Variants in GPN3 observed in about 807,000 individuals in gnomAD.
GPN3 encodes GPN-loop GTPase 3, also known as ATP-binding domain 1 family member C.
Under a neutral mutation model 38.7 loss-of-function variants are expected in GPN3, and 31 were observed. The observed-to-expected ratio is 0.80, with a 90% CI of 0.60 to 1.08. The LOEUF is 1.08. GPN3 is among the 50% of genes least tolerant of loss of function. The pLI, the probability that GPN3 is intolerant of heterozygous loss-of-function variation, is 0.00. For synonymous variants in GPN3, 116 were observed against 120.2 expected (o/e 0.96, Z 0.23); for missense variants, 301 against 354.4 (o/e 0.85, Z 1.21).
At chr12:110,468,650 C>T, upstream of GPN3, 4 of 1,537,116 alleles carry the variant, frequency 2.6e-6, no homozygotes, top group Non-Finnish European at 3.5e-6. Flanking sequence ...TATTTCCCTC[C>T]TGTGACGCAC....
At chr12:110,455,168 G>C (rs906992011) in intron 6 of GPN3, among the ~76,000 whole-genome samples, 1 of 151,820 alleles carries the variant, frequency 6.6e-6, no homozygotes, top group African/African-American at 2.4e-5. Context: ...CTGTCGCCCA[G>C]GCTGGACTGC....
At position 110,452,923 on chromosome 12, in the gene GPN3, T is replaced by C; in HGVS notation, c.*111A>G. 2 of 712,212 alleles carry C rather than the reference T, an allele frequency of 2.8e-6. No homozygotes were observed. Among genetic ancestry groups the C allele is most frequent in the Non-Finnish European group, 5.2e-6 (2 of 385,288 alleles). 44.1% of individuals were successfully genotyped at this position (712,212 alleles called of 1,614,324 possible). ...CATGAGGCTGATAAAGAACGAAGTT[T>C]TACTTTTTTTCATTAAAATAAGTAG... is the stretch of plus-strand genomic sequence containing the variant. On this transcript the variant is annotated 3_prime_UTR_variant, in exon 8 of 8. Coordinates refer to ENST00000228827, the MANE Select transcript of GPN3 (RefSeq NM_016301.4).
At chr12:110,457,121 T>C (rs2062555592) in intron 4 of GPN3, among the ~76,000 whole-genome samples, 1 of 152,024 alleles carries the variant, frequency 6.6e-6, no homozygotes. Flanking sequence ...TGGAATCATT[T>C]GTGAAATGTT....
intron 2 of GPN3, among the ~76,000 whole-genome samples, chr12:110,460,829 C>T (rs1029183159): frequency 3.9e-5 from 6 of 152,032 alleles, no homozygotes; most frequent in African/African-American, 7.2e-5. Flanking sequence ...GCAGGCATGG[C>T]GGCGCACGCC....
At chr12:110,464,793 C>T (rs2062615283) in intron 2 of GPN3, 1 of 288,168 alleles carries the variant, frequency 3.5e-6, no homozygotes, top group Admixed American at 4.4e-5. Flanking sequence ...CAGGGTTTCA[C>T]CATGTTGGTC....
chr12:110,456,260 C>T (rs994204923), intron 4 of GPN3, among the ~76,000 whole-genome samples: 5 of 144,190 alleles, frequency 3.5e-5, no homozygotes, highest in African/African-American at 1.3e-4. Context: ...ACCCAGGAGG[C>T]GGAGGTTCCC....
intron 6 of GPN3, 93 bp downstream of exon 6, chr12:110,455,493 G>A (rs1416654263): frequency 1.5e-6 from 1 of 688,230 alleles, no homozygotes; most frequent in Non-Finnish European, 2.6e-6. Context: ...TGAACTCCTG[G>A]ACTCAATCTT....
At chr12:110,459,240 G>GT (rs60209835) in intron 3 of GPN3, among the ~76,000 whole-genome samples, 13,211 of 142,252 alleles carry the variant, frequency 0.093, 1,590 homozygotes, top group African/African-American at 0.28. Context: ...ACTTTTTTTT[G>GT]TTTTTTTTTT....
intron 6 of GPN3, among the ~76,000 whole-genome samples, chr12:110,454,116 T>C (rs891576839): frequency 4.6e-5 from 7 of 152,202 alleles, no homozygotes; most frequent in African/African-American, 1.7e-4. Context: ...GCTATTTATC[T>C]GAATTCAACA....
At chr12:110,461,752 C>G (rs1300895878) in intron 2 of GPN3, among the ~76,000 whole-genome samples, 1 of 152,188 alleles carries the variant, frequency 6.6e-6, no homozygotes, top group Non-Finnish European at 1.5e-5. Context: ...GACTGAGCTT[C>G]ATTCACAGTC....
At chr12:110,461,306 A>G in intron 2 of GPN3, 2 of 1,188,952 alleles carry the variant, frequency 1.7e-6, no homozygotes. Flanking sequence ...TACTTTGGTT[A>G]CCTATGTACC....
chr12:110,468,273 G>T, upstream of GPN3: 5 of 1,601,182 alleles, frequency 3.1e-6, no homozygotes, highest in East Asian at 4.5e-5. Flanking sequence ...CCGGGAAAGT[G>T]AAGTGCGAAC....
Position 110,465,102 on chromosome 12 carries a change from T to G in GPN3, c.157+4A>C. On this transcript the variant is annotated splice_donor_region_variant and intron_variant, in intron 2 of 7. Transcript: ENST00000228827. Reference sequence around the variant, plus strand: ...GGTGGGGGGAGCCTTTGCTCAGGACTTACCAGCCATCACGGAGTAGTTGAA... The same window carrying G: ...GGTGGGGGGAGCCTTTGCTCAGGACGTACCAGCCATCACGGAGTAGTTGAA... The G allele has an allele frequency of 6.5e-7, 1 of 1,528,778 alleles. No homozygotes were observed. The highest frequency in any genetic ancestry group is 9.1e-7 in the Non-Finnish European group (1 of 1,101,984). 94.7% of individuals were successfully genotyped at this position (1,528,778 alleles called of 1,614,324 possible).
chr12:110,458,299 A>T lies in GPN3; in HGVS notation c.326-665T>A, dbSNP rs755040623. On this transcript the variant is annotated intron_variant, in intron 3 of 7. Transcript: ENST00000228827. This position sits in a 1 kb window ranked among gnomAD's most constrained non-coding sequence, Gnocchi z 4.4. ...ACTTTGAGAGCAGCCTGAGCAATATAGTGAGATCCTATCTCTACAAAAATA... is the reference window on the plus strand; with the variant it reads ...ACTTTGAGAGCAGCCTGAGCAATATTGTGAGATCCTATCTCTACAAAAATA... 3.3e-5 allele frequency among the ~76,000 whole-genome samples: 5 copies of T among 152,166 alleles called. No homozygotes were observed. Among genetic ancestry groups the T allele is most frequent in the African/African-American group, 1.2e-4 (5 of 41,444 alleles).
At chr12:110,459,016 G>A (rs968020201) in intron 3 of GPN3, among the ~76,000 whole-genome samples, 2 of 152,072 alleles carry the variant, frequency 1.3e-5, no homozygotes, top group East Asian at 1.9e-4. Flanking sequence ...CTGAAAGGCC[G>A]CCTCAGATGC....
chr12:110,456,321 C>T (rs2062549266), intron 4 of GPN3, among the ~76,000 whole-genome samples: 1 of 116,816 alleles, frequency 8.6e-6, no homozygotes, highest in South Asian at 2.6e-4. Context: ...AACGGCAAAA[C>T]TTGGTCTCAA....
rs1207367104 is a variant in GPN3 at position 110,458,637 on chromosome 12, G to A, written c.326-1003C>T. ...CTCTACTAAAAATACAAAAATAGCC[G>A]GGTGTGGTGGTGGGTGCCTGTAATC... On this transcript the variant is annotated intron_variant, in intron 3 of 7. Coordinates refer to ENST00000228827, the MANE Select transcript of GPN3 (RefSeq NM_016301.4). The surrounding 1 kb of genome is among the most constrained non-coding windows in gnomAD (Gnocchi z 4.4). Among the ~76,000 whole-genome samples, 3 of 152,062 alleles carry A rather than the reference G, an allele frequency of 2.0e-5. No individual in the cohort carries two copies. The highest frequency in any genetic ancestry group is 4.8e-5 in the African/African-American group (2 of 41,492).
chr12:110,454,619 T>G (rs2062537038), intron 6 of GPN3, among the ~76,000 whole-genome samples: 2 of 152,096 alleles, frequency 1.3e-5, no homozygotes, highest in Admixed American at 6.6e-5. Context: ...CCCAAAGTGC[T>G]GGGATTATAG....
chr12:110,462,667 A>G (rs1218771389), intron 2 of GPN3, among the ~76,000 whole-genome samples: 1 of 152,084 alleles, frequency 6.6e-6, no homozygotes, highest in Non-Finnish European at 1.5e-5. Flanking sequence ...GGCTCACCAG[A>G]ACCTCTGCCT....
Sources: allele counts gnomAD v4.1 joint callset (sites outside exome capture counted in the v4.1 genomes callset), GRCh38; gene constraint gnomAD v4.1.1; non-coding constraint Gnocchi (gnomAD v3.1); transcripts MANE v1.5; gene names NCBI Gene and HGNC (gene_info 2026-07-23, HGNC 2026-07-21).